The following SERPINB5 variants were observed in gnomAD, a reference collection of about 807,000 sequenced individuals.
SERPINB5 encodes serpin family B member 5, also known as serpin B5.
In SERPINB5, 27 loss-of-function variants were observed where a neutral mutation model predicts 32.2. The ratio of observed to expected loss-of-function variants is 0.84; its 90% confidence interval spans 0.62 to 1.16. The LOEUF is 1.16. Ranked by LOEUF, SERPINB5 falls within the 50% of genes most tolerant of loss-of-function variation. SERPINB5 has a pLI of 0.00. For missense variants in SERPINB5, 388 were observed against 436.3 expected, an observed-to-expected ratio of 0.89 and a Z score of 0.99; for synonymous variants, 154 against 157.4, an observed-to-expected ratio of 0.98 and a Z score of 0.16.
rs568964991 is a variant in SERPINB5 at position 63,498,879 on chromosome 18, ATATGTATATG to A, written c.568-223_568-214del. Among the ~76,000 whole-genome samples, 26 of 150,526 alleles carry A rather than the reference ATATGTATATG, an allele frequency of 1.7e-4. No homozygotes were observed. The highest frequency in any genetic ancestry group is 4.2e-4 in the South Asian group (2 of 4,776). ...TAAGTGTGTATATATAGGTGTGTGT[ATATGTATATG>A]TATGTATATGTATGTATGCATATAT... On this transcript the variant is annotated intron_variant, in intron 5 of 6. Coordinates refer to ENST00000382771, the MANE Select transcript of SERPINB5 (RefSeq NM_002639.5). The surrounding 1 kb of genome is among the most constrained non-coding windows in gnomAD (Gnocchi z 4.2).
intron 2 of SERPINB5, among the ~76,000 whole-genome samples, chr18:63,484,916 T>G (rs949571141): frequency 6.6e-6 from 1 of 151,956 alleles, no homozygotes; most frequent in Non-Finnish European, 1.5e-5. Context: ...AATTTTTGTA[T>G]TTTTAGTAGA....
rs755624036 is a variant in SERPINB5 at position 63,499,115 on chromosome 18, T to C, written c.568-5T>C. 1 of 1,483,300 alleles carries C rather than the reference T, an allele frequency of 6.7e-7. No homozygotes were observed. The highest frequency in any genetic ancestry group is 1.5e-5 in the South Asian group (1 of 64,974). 91.9% of individuals were successfully genotyped at this position (1,483,300 alleles called of 1,614,324 possible). On this transcript the variant is annotated splice_region_variant and splice_polypyrimidine_tract_variant and intron_variant, in intron 5 of 6. Coordinates refer to ENST00000382771, the MANE Select transcript of SERPINB5 (RefSeq NM_002639.5). ...AGTAAGCAGTCCAAATTTTCCCTTT[T>C]ACAGACAGACACCAAACCAGTGCAG... is the stretch of plus-strand genomic sequence containing the variant.
At position 63,493,113 on chromosome 18, in the gene SERPINB5, T is replaced by G; in HGVS notation, c.567+18T>G. 1 of 1,614,118 alleles carries G rather than the reference T, an allele frequency of 6.2e-7. No homozygotes were observed. The stretch of plus-strand genomic sequence containing the variant: ...TCAACAAGGTATGTGGGGCAGCATG[T>G]AGCAGTAAAAGGAGCCCAATTATAG... On this transcript the variant is annotated intron_variant, in intron 5 of 6. Transcript: ENST00000382771.
At position 63,484,556 on chromosome 18, in the gene SERPINB5, A is replaced by G; in HGVS notation, c.128A>G (p.Gln43Arg). 2 of 1,614,090 alleles carry G rather than the reference A, an allele frequency of 1.2e-6. No homozygotes were observed. Among genetic ancestry groups the G allele is most frequent in the Non-Finnish European group, 1.7e-6 (2 of 1,180,000 alleles). ...ICLSTSLSLA[Q>R]VGAKGDTANE... ...CTCTCCACCTCTCTGTCACTTGCTC[A>G]AGTGGGTGCTAAAGGTGACACTGCA... The change falls in exon 2 of 7, where the codon CAA becomes CGA. Residue 43 changes from glutamine (Q) to arginine (R), a missense_variant. By Grantham distance (43) the Gln-to-Arg change is conservative. Coordinates refer to ENST00000382771, the MANE Select transcript of SERPINB5 (RefSeq NM_002639.5).
intron 5 of SERPINB5, 111 bp from the exon 6 acceptor site, chr18:63,499,009 A>C (rs1047194089): frequency 1.4e-4 from 69 of 488,960 alleles, no homozygotes; most frequent in Non-Finnish European, 2.0e-4. Context: ...GTATATATAC[A>C]TGTGGGTATA....
In SERPINB5 at chr18:63,492,983, G is replaced by A. The variant is rs1909371631; in HGVS notation, c.455G>A (p.Ser152Asn). ...GHFENILADN[S>N]VNDQTKILVV... ...TTTGAGAACATTTTAGCTGACAACA[G>A]TGTGAACGACCAGACCAAAATCCTT... Residue 152 changes from serine (S) to asparagine (N), a missense_variant, in exon 5 of 7, where the codon AGT becomes AAT. Physicochemically the swap from Ser to Asn is conservative, Grantham distance 46 (BLOSUM62 1). Coordinates refer to ENST00000382771, the MANE Select transcript of SERPINB5 (RefSeq NM_002639.5). 2 of 1,614,042 alleles carry A rather than the reference G, an allele frequency of 1.2e-6. No individual in the cohort carries two copies. The highest frequency in any genetic ancestry group is 1.7e-6 in the Non-Finnish European group (2 of 1,179,924).
chr18:63,499,563 G>C (rs1415742439), intron 6 of SERPINB5, among the ~76,000 whole-genome samples: 1 of 152,208 alleles, frequency 6.6e-6, no homozygotes, highest in African/African-American at 2.4e-5. Context: ...TGATGAGTTA[G>C]AGACTGTTAC....
intron 4 of SERPINB5, among the ~76,000 whole-genome samples, chr18:63,491,417 A>AG (rs1414255907): frequency 6.6e-6 from 1 of 151,342 alleles, no homozygotes; most frequent in South Asian, 2.1e-4. Context: ...AAAAAAAAAA[A>AG]AAAAAAAAAA....
chr18:63,492,197 G>A (rs1182137550), intron 4 of SERPINB5, among the ~76,000 whole-genome samples: 1 of 152,202 alleles, frequency 6.6e-6, no homozygotes, highest in Non-Finnish European at 1.5e-5. Context: ...TGGCTATTGG[G>A]ATTTAGCTTT....
chr18:63,497,199 T>C, intron 5 of SERPINB5: 1 of 693,030 alleles, frequency 1.4e-6, no homozygotes, highest in African/African-American at 1.8e-5. Context: ...CCAAGTTTAT[T>C]GGTGCTGAGG....
intron 3 of SERPINB5, 34 bp from the exon 4 acceptor site, chr18:63,489,313 C>T (rs558916624): frequency 2.4e-6 from 3 of 1,227,394 alleles, no homozygotes; most frequent in South Asian, 1.3e-5. Flanking sequence ...AGCTTGACTA[C>T]AGACTCTGAT....
intron 1 of SERPINB5, among the ~76,000 whole-genome samples, chr18:63,481,947 C>A (rs993521761): frequency 3.9e-5 from 6 of 152,168 alleles, no homozygotes; most frequent in African/African-American, 1.4e-4. Flanking sequence ...CACCTGACTT[C>A]AGGGGGCCTC....
chr18:63,503,973 A>G lies in SERPINB5; in HGVS notation c.*251A>G, dbSNP rs1031962169. 4.3e-6 allele frequency: 2 copies of G among 462,074 alleles called. No individual in the cohort carries two copies. Among genetic ancestry groups the G allele is most frequent in the Admixed American group, 8.1e-5 (2 of 24,732 alleles). The allele number at this position is 462,074 out of a possible 1,614,324, so 28.6% of individuals were successfully genotyped here. On this transcript the variant is annotated 3_prime_UTR_variant, in exon 7 of 7. Coordinates refer to ENST00000382771, the MANE Select transcript of SERPINB5 (RefSeq NM_002639.5). ...TAATGAAAAGGAATCACGTTAGAGG[A>G]AAAATATTTATTCATTATTTGTCAA...
intron 5 of SERPINB5, among the ~76,000 whole-genome samples, chr18:63,494,528 T>C (rs1347575738): frequency 3.3e-5 from 5 of 152,150 alleles, no homozygotes; most frequent in African/African-American, 9.7e-5. Context: ...GGTAGCTTAG[T>C]TACCTGTAGC....
chr18:63,493,961 A>G (rs973238666), intron 5 of SERPINB5, among the ~76,000 whole-genome samples: 5 of 152,208 alleles, frequency 3.3e-5, no homozygotes, highest in African/African-American at 1.2e-4. Flanking sequence ...ACTGGAAGTC[A>G]TTATGGGAAG....
rs187157762 is a variant in SERPINB5 at position 63,500,375 on chromosome 18, G to A, written c.735+1088G>A. 8.8e-4 allele frequency among the ~76,000 whole-genome samples: 133 copies of A among 151,996 alleles called. 1 individual carries two copies. Among genetic ancestry groups the A allele is most frequent in the Admixed American group, 7.7e-3 (117 of 15,256 alleles). Reference sequence around the variant, plus strand: ...ACCACACCTGGCCTTCACAATTTACGTTACGGTTCACTCTTTGTGTTGTAC... The same window carrying A: ...ACCACACCTGGCCTTCACAATTTACATTACGGTTCACTCTTTGTGTTGTAC... On this transcript the variant is annotated intron_variant, in intron 6 of 6. Transcript: ENST00000382771.
At chr18:63,497,149 G>A (rs748759392) in intron 5 of SERPINB5, 1 of 644,720 alleles carries the variant, frequency 1.6e-6, no homozygotes, top group Non-Finnish European at 2.9e-6. Flanking sequence ...CCAGACAGGA[G>A]TTCTAGACCA....
intron 2 of SERPINB5, 54 bp from the exon 3 acceptor site, chr18:63,486,892 T>C: frequency 6.3e-7 from 1 of 1,592,642 alleles, no homozygotes; most frequent in East Asian, 2.2e-5. Context: ...TCCACTTCAG[T>C]ACAGCACTAC....
chr18:63,490,589 C>T (rs1202414077), intron 4 of SERPINB5: 1 of 152,150 alleles, frequency 6.6e-6, no homozygotes, highest in East Asian at 1.9e-4. Flanking sequence ...AGACCCACTT[C>T]CTGCGAGAAT....
Sources: allele counts gnomAD v4.1 joint callset (sites outside exome capture counted in the v4.1 genomes callset), GRCh38; gene constraint gnomAD v4.1.1; non-coding constraint Gnocchi (gnomAD v3.1); transcripts MANE v1.5; gene names NCBI Gene and HGNC (gene_info 2026-07-23, HGNC 2026-07-21).